The following CST9L variants were observed in gnomAD, a reference collection of about 807,000 sequenced individuals.
CST9L encodes the protein cystatin 9 like.
In CST9L, 17 loss-of-function variants were observed where a neutral mutation model predicts 13.2. The observed-to-expected ratio is 1.29, with a 90% CI of 0.88 to 1.93. CST9L has a LOEUF of 1.93. Among genes scored for constraint, CST9L ranks in the 30% most tolerant of loss-of-function variants. The pLI is 0.00. For synonymous variants in CST9L, 78 were observed against 69.1 expected (o/e 1.13, Z -0.64); for missense variants, 170 against 170.5 (o/e 1.00, Z 0.02).
At chr20:23,567,440 G>A (rs1177295514) in intron 1 of CST9L, among the ~76,000 whole-genome samples, 2 of 150,936 alleles carry the variant, frequency 1.3e-5, no homozygotes, top group Non-Finnish European at 2.9e-5. Flanking sequence ...CCTGGGAGGC[G>A]GATCTTGCAG....
At chr20:23,565,850 G>A (rs1989085277) in intron 2 of CST9L, 124 bp downstream of exon 2, 1 of 730,028 alleles carries the variant, frequency 1.4e-6, no homozygotes, top group Non-Finnish European at 2.5e-6. Context: ...AAGCAGGGCA[G>A]CCTGGTAGAG....
Position 23,566,005 on chromosome 20 carries a change from C to A in CST9L, c.323G>T (p.Cys108Phe), listed in dbSNP as rs777612116. The A allele has an allele frequency of 1.9e-6, 3 of 1,604,498 alleles. No homozygotes were observed. The highest frequency in any genetic ancestry group is 2.6e-6 in the Non-Finnish European group (3 of 1,171,272). The change falls in exon 2 of 3, where the codon TGC becomes TTC. Residue 108 changes from cysteine (C) to phenylalanine (F), a missense_variant. Cys to Phe is a radical substitution (Grantham distance 205, BLOSUM62 -2). Coordinates refer to ENST00000376979, the MANE Select transcript of CST9L (RefSeq NM_080610.3). ...CGKFEDDIDNCHFQESTELNN... is the reference protein window; with the variant it reads ...CGKFEDDIDNFHFQESTELNN... ...CAGCTCTGTGCTTTCTTGGAAATGG[C>A]AGTTGTCAATGTCGTCTTCAAATTT... is the stretch of plus-strand genomic sequence containing the variant.
At chr20:23,565,699 A>G (rs2295561) in intron 2 of CST9L, among the ~76,000 whole-genome samples, 54,445 of 152,122 alleles carry the variant, frequency 0.36, 10,428 homozygotes, top group East Asian at 0.56. Flanking sequence ...CCCCAGGGGG[A>G]AAGAGCAGTC....
At chr20:23,567,507 CAAAAAAAAAA>C (rs11470332) in intron 1 of CST9L, among the ~76,000 whole-genome samples, 3 of 110,648 alleles carry the variant, frequency 2.7e-5, no homozygotes, top group Admixed American at 9.7e-5. Flanking sequence ...GATTCCATCT[CAAAAAAAAAA>C]AAAAAAAAAA....
At position 23,564,735 on chromosome 20, in the gene CST9L, C is replaced by A. The variant is rs1488650347; in HGVS notation, c.*213G>T. On this transcript the variant is annotated 3_prime_UTR_variant, in exon 3 of 3. Transcript: ENST00000376979. ...TCGAGAACTACAGCACACAAAGTTTCTTAAAATGCTGATGTTTAATGATCT... is the reference window on the plus strand; with the variant it reads ...TCGAGAACTACAGCACACAAAGTTTATTAAAATGCTGATGTTTAATGATCT... The A allele has an allele frequency of 5.8e-6, 3 of 518,948 alleles. No individual in the cohort carries two copies. The highest frequency in any genetic ancestry group is 1.0e-5 in the Non-Finnish European group (3 of 290,888). The allele number at this position is 518,948 out of a possible 1,614,324, so 32.1% of individuals were successfully genotyped here.
In CST9L at chr20:23,566,090, A is replaced by G. The variant is rs1315646873; in HGVS notation, c.241-3T>C. ...GAGAATACAGTCTTGGACTCCACCT[A>G]TTGCACACAGAGAGATTAATGTGAA... On this transcript the variant is annotated splice_region_variant and splice_polypyrimidine_tract_variant and intron_variant, in intron 1 of 2. Coordinates refer to ENST00000376979, the MANE Select transcript of CST9L (RefSeq NM_080610.3). 6.7e-7 allele frequency: 1 copy of G among 1,494,176 alleles called. No individual in the cohort carries two copies. Among genetic ancestry groups the G allele is most frequent in the East Asian group, 2.3e-5 (1 of 44,304 alleles). 92.6% of individuals were successfully genotyped at this position (1,494,176 alleles called of 1,614,324 possible).
At position 23,568,470 on chromosome 20, in the gene CST9L, G is replaced by A. The variant is rs76767926; in HGVS notation, c.-20C>T. 3,435 of 1,609,176 alleles carry A rather than the reference G, an allele frequency of 2.1e-3. 61 individuals carry two copies. In the African/African-American group the frequency reaches 0.04, roughly 19 times the overall value. ...CAGCATGGTGCTGACTGTAGGCACC[G>A]CTGACTTTGCTCTTCCCAGCCCCCG... On this transcript the variant is annotated 5_prime_UTR_variant, in exon 1 of 3. Transcript: ENST00000376979.
At position 23,564,779 on chromosome 20, in the gene CST9L, C is replaced by G. The variant is rs1989066911; in HGVS notation, c.*169G>C. 1.6e-6 allele frequency: 1 copy of G among 620,670 alleles called. No homozygotes were observed. Among genetic ancestry groups the G allele is most frequent in the East Asian group, 2.7e-5 (1 of 36,460 alleles). 38.4% of individuals were successfully genotyped at this position (620,670 alleles called of 1,614,324 possible). ...ATGATCTACACTACATGATTAGGCT[C>G]AAGATGTGTGGATTTTCTAAAACAC... On this transcript the variant is annotated 3_prime_UTR_variant, in exon 3 of 3. Transcript: ENST00000376979.
At position 23,564,775 on chromosome 20, in the gene CST9L, G is replaced by A; in HGVS notation, c.*173C>T. On this transcript the variant is annotated 3_prime_UTR_variant, in exon 3 of 3. Transcript: ENST00000376979. ...TTTAATGATCTACACTACATGATTA[G>A]GCTCAAGATGTGTGGATTTTCTAAA... 1 of 612,820 alleles carries A rather than the reference G, an allele frequency of 1.6e-6. No homozygotes were observed. The highest frequency in any genetic ancestry group is 3.0e-6 in the Non-Finnish European group (1 of 338,614). The allele number at this position is 612,820 out of a possible 1,614,324, so 38.0% of individuals were successfully genotyped here.
chr20:23,564,915 C>A lies in CST9L; in HGVS notation c.*33G>T, dbSNP rs1264139769. Reference sequence around the variant, plus strand: ...TGCTGATGTCCACGGAATGTGGGAGCAGCACATGGACAAGCCTGTGAGTGG... The same window carrying A: ...TGCTGATGTCCACGGAATGTGGGAGAAGCACATGGACAAGCCTGTGAGTGG... On this transcript the variant is annotated 3_prime_UTR_variant, in exon 3 of 3. Transcript: ENST00000376979. 3.4e-6 allele frequency: 5 copies of A among 1,457,476 alleles called. No individual in the cohort carries two copies. In the Admixed American group the frequency reaches 5.0e-5, roughly 15 times the overall value. The allele number at this position is 1,457,476 out of a possible 1,614,324, so 90.3% of individuals were successfully genotyped here.
In CST9L at chr20:23,565,042, G is replaced by A; in HGVS notation, c.355-5C>T. On this transcript the variant is annotated splice_region_variant and splice_polypyrimidine_tract_variant and intron_variant, in intron 2 of 2. Coordinates refer to ENST00000376979, the MANE Select transcript of CST9L (RefSeq NM_080610.3). Reference sequence around the variant, plus strand: ...GGTGAAGAAGCAGGTGAAAGTCTGAGAGAACAAGCACAGGAAGGGACAGTG... The same window carrying A: ...GGTGAAGAAGCAGGTGAAAGTCTGAAAGAACAAGCACAGGAAGGGACAGTG... 6.2e-7 allele frequency: 1 copy of A among 1,610,406 alleles called. No individual in the cohort carries two copies. The highest frequency in any genetic ancestry group is 8.5e-7 in the Non-Finnish European group (1 of 1,176,740).
rs374521793 is a variant in CST9L, at chr20:23,565,005, C to T, written c.387G>A (p.Arg129=). 6.2e-7 allele frequency: 1 copy of T among 1,613,850 alleles called. No homozygotes were observed. The highest frequency in any genetic ancestry group is 8.5e-7 in the Non-Finnish European group (1 of 1,179,942). ...TFTCFFTIST[R]PWMTQFSLLN... ...GGAGGCTGAACTGAGTCATCCAGGG[C>T]CTGGTGCTGATGGTGAAGAAGCAGG... The change falls in exon 3 of 3, where the codon AGG becomes AGA. Residue 129 remains arginine, a synonymous_variant. Coordinates refer to ENST00000376979, the MANE Select transcript of CST9L (RefSeq NM_080610.3).
intron 2 of CST9L, among the ~76,000 whole-genome samples, chr20:23,565,438 A>G (rs1383688321): frequency 1.3e-5 from 2 of 152,122 alleles, no homozygotes; most frequent in Admixed American, 6.5e-5. Context: ...GCATAGGAAG[A>G]GTTTTCCCAG....
rs1039762017 is a variant in CST9L at position 23,567,014 on chromosome 20, A to G, written c.241-927T>C. On this transcript the variant is annotated intron_variant, in intron 1 of 2. Transcript: ENST00000376979. ...CTATCCGTCCATTTCCCCAACTCCA[A>G]AACTGACTCTGGAATTGTCACATCC... 2.6e-5 allele frequency among the ~76,000 whole-genome samples: 4 copies of G among 152,116 alleles called. No homozygotes were observed. In the East Asian group the frequency reaches 7.7e-4, roughly 29 times the overall value.
Position 23,566,083 on chromosome 20 carries a change from TC to T in CST9L, c.244del (p.Glu82SerfsTer35). 1 of 1,558,866 alleles carries T rather than the reference TC, an allele frequency of 6.4e-7. No homozygotes were observed. Among genetic ancestry groups the T allele is most frequent in the Non-Finnish European group, 8.9e-7 (1 of 1,129,474 alleles). ...HILNSWKEQVESKTVFSMELL... is the reference protein window; with the variant it reads ...HILNSWKEQVXSKTVFSMELL... ...CTCCATTGAGAATACAGTCTTGGAC[TC>T]CACCTATTGCACACAGAGAGATTAA... On this transcript the variant is annotated frameshift_variant, in exon 2 of 3. Coordinates refer to ENST00000376979, the MANE Select transcript of CST9L (RefSeq NM_080610.3). LOFTEE classifies it high-confidence loss of function.
intron 1 of CST9L, among the ~76,000 whole-genome samples, chr20:23,566,445 G>A (rs2122340054): frequency 6.6e-6 from 1 of 152,286 alleles, no homozygotes; most frequent in Admixed American, 6.5e-5. Context: ...GAGCTTTCAG[G>A]GTAACCTCAG....
At chr20:23,565,066 TG>T in intron 2 of CST9L, 29 bp from the exon 3 acceptor site, 6 of 1,526,516 alleles carry the variant, frequency 3.9e-6, no homozygotes, top group Non-Finnish European at 5.5e-6. Context: ...GAAGGGACAG[TG>T]GGTGAGGGAG....
At position 23,564,846 on chromosome 20, in the gene CST9L, A is replaced by C; in HGVS notation, c.*102T>G. Reference sequence around the variant, plus strand: ...ACACATGCAAAATAGGATAACAAACAAGTCCAAAGCTGCTCAGCCACTGAA... The same window carrying C: ...ACACATGCAAAATAGGATAACAAACCAGTCCAAAGCTGCTCAGCCACTGAA... On this transcript the variant is annotated 3_prime_UTR_variant, in exon 3 of 3. Transcript: ENST00000376979. 1.2e-6 allele frequency: 1 copy of C among 809,168 alleles called. No homozygotes were observed. The highest frequency in any genetic ancestry group is 1.4e-5 in the South Asian group (1 of 71,052). 50.1% of individuals were successfully genotyped at this position (809,168 alleles called of 1,614,324 possible). A position where few individuals can be genotyped will look rare whatever the true frequency, so the allele number is the denominator to read the frequency against.
At position 23,568,363 on chromosome 20, in the gene CST9L, G is replaced by T; in HGVS notation, c.88C>A (p.His30Asn). ...TCACAGTCCCTTTGCTCGTGGAAATGCCAGGCATAGATCAGCAGGATCTGG... is the reference window on the plus strand; with the variant it reads ...TCACAGTCCCTTTGCTCGTGGAAATTCCAGGCATAGATCAGCAGGATCTGG... ...GSQILLIYAW[H>N]FHEQRDCDEH... The change falls in exon 1 of 3, where the codon CAT becomes AAT. Residue 30 changes from histidine (H) to asparagine (N), a missense_variant. His to Asn is a moderately conservative substitution (Grantham distance 68, BLOSUM62 1). Transcript: ENST00000376979. 1 of 1,614,182 alleles carries T rather than the reference G, an allele frequency of 6.2e-7. No individual in the cohort carries two copies. Among genetic ancestry groups the T allele is most frequent in the Middle Eastern group, 1.6e-4 (1 of 6,062 alleles).
Sources: allele counts gnomAD v4.1 joint callset (sites outside exome capture counted in the v4.1 genomes callset), GRCh38; gene constraint gnomAD v4.1.1; transcripts MANE v1.5; gene names NCBI Gene and HGNC (gene_info 2026-07-23, HGNC 2026-07-21).